The following ZGRF1 variants were observed in gnomAD, a reference collection of about 807,000 sequenced individuals.
The protein encoded by ZGRF1 is 5'-3' DNA helicase ZGRF1.
A neutral mutation model predicts 203.5 loss-of-function variants in ZGRF1; 196 were observed. The ratio of observed to expected loss-of-function variants is 0.96; its 90% CI spans 0.86 to 1.08. The LOEUF is 1.08. ZGRF1 is among the 50% of genes least tolerant of loss of function. The probability of loss-of-function intolerance (pLI) is 0.00; values close to 1 mark genes in which losing one functional copy is unlikely to be tolerated. For synonymous variants in ZGRF1, 809 were observed against 841.3 expected, an observed-to-expected ratio of 0.96 and a Z score of 0.66; for missense variants, 2,326 against 2,416.3, an observed-to-expected ratio of 0.96 and a Z score of 0.78.
intron 1 of ZGRF1, among the ~76,000 whole-genome samples, chr4:112,635,643 T>C (rs1337804433): frequency 6.7e-6 from 1 of 149,306 alleles, no homozygotes; most frequent in Non-Finnish European, 1.5e-5. Flanking sequence ...TACTGTATTA[T>C]GTAATATACA....
intron 10 of ZGRF1, among the ~76,000 whole-genome samples, chr4:112,590,148 C>T (rs17044846): frequency 0.39 from 59,655 of 151,884 alleles, 11,956 homozygotes; most frequent in Admixed American, 0.48. Context: ...GGTTATTAGG[C>T]TTTGGTCCTG....
Position 112,569,225 on chromosome 4 carries a change from T to A in ZGRF1, c.4439-5951A>T, listed in dbSNP as rs183584342. Among the ~76,000 whole-genome samples, 53 of 152,314 alleles carry A rather than the reference T, an allele frequency of 3.5e-4. 1 individual carries two copies. The highest frequency in any genetic ancestry group is 2.5e-3 in the Admixed American group (38 of 15,296). Reference sequence around the variant, plus strand: ...AGAAAATAGATCTATACTAACCAAGTGTTTCAAGATTTAGACTAGAACTAC... The same window carrying A: ...AGAAAATAGATCTATACTAACCAAGAGTTTCAAGATTTAGACTAGAACTAC... On this transcript the variant is annotated intron_variant, in intron 16 of 27. Coordinates refer to ENST00000505019, the MANE Select transcript of ZGRF1 (RefSeq NM_018392.5).
In ZGRF1 at chr4:112,636,901, G is replaced by A. The variant is rs1398926852; in HGVS notation, c.-117C>T. The A allele has an allele frequency of 6.6e-6, 1 of 152,184 alleles. No individual in the cohort carries two copies. Among genetic ancestry groups the A allele is most frequent in the Non-Finnish European group, 1.5e-5 (1 of 68,060 alleles). 9.4% of individuals were successfully genotyped at this position (152,184 alleles called of 1,614,324 possible). ...TCGAATTTCTCCCGCGAAACAACGT[G>A]ACGTCATTAACGCGGGACCTCACCA... is the stretch of plus-strand genomic sequence containing the variant. On this transcript the variant is annotated 5_prime_UTR_variant, in exon 1 of 28. Transcript: ENST00000505019.
At chr4:112,628,929 T>A in intron 3 of ZGRF1, 2 of 367,716 alleles carry the variant, frequency 5.4e-6, no homozygotes, top group South Asian at 2.1e-5. Context: ...TTTATGTATT[T>A]AAAAAAAATA....
rs1737246547 is a variant in ZGRF1, at chr4:112,540,063, G to C, written c.5972C>G (p.Ser1991Cys). Residue 1991 changes from serine (S) to cysteine (C), a missense_variant, in exon 27 of 28, where the codon TCC (serine) becomes TGC (cysteine). Transcript: ENST00000505019. Reference protein sequence around the residue: ...HHPDIKTVQVSTVDAFQGAEK... With the variant: ...HHPDIKTVQVCTVDAFQGAEK... ...AGCTCCCTGAAAAGCATCTACTGTG[G>C]ACACCTGCACAGTTTTAATATCAGG... 1 of 1,604,072 alleles carries C rather than the reference G, an allele frequency of 6.2e-7. No homozygotes were observed. The highest frequency in any genetic ancestry group is 1.1e-5 in the South Asian group (1 of 90,128).
intron 4 of ZGRF1, among the ~76,000 whole-genome samples, chr4:112,622,520 GAAAAAAAAA>G (rs5861105): frequency 2.7e-5 from 2 of 75,256 alleles, no homozygotes; most frequent in Non-Finnish European, 4.8e-5. Flanking sequence ...ACTCCATCTC[GAAAAAAAAA>G]AAAAAAAAAA....
intron 10 of ZGRF1, among the ~76,000 whole-genome samples, chr4:112,593,112 G>C (rs554992138): frequency 1.8e-4 from 28 of 152,288 alleles, no homozygotes; most frequent in Admixed American, 1.6e-3. Context: ...AATTTCTGTT[G>C]TTTAAGCCAT....
At chr4:112,619,882 A>G (rs893902226) in intron 5 of ZGRF1, 120 bp downstream of exon 5, 1 of 919,348 alleles carries the variant, frequency 1.1e-6, no homozygotes, top group Non-Finnish European at 1.6e-6. Context: ...CTTCCTTTCT[A>G]CCTAAGTATA....
At chr4:112,597,889 A>T (rs1251924691) in intron 10 of ZGRF1, among the ~76,000 whole-genome samples, 2 of 148,388 alleles carry the variant, frequency 1.3e-5, no homozygotes, top group Non-Finnish European at 3.0e-5. Flanking sequence ...CTCAAAATGT[A>T]CCCACACACA....
rs763461052 is a variant in ZGRF1 at position 112,619,000 on chromosome 4, T to C, written c.1042A>G (p.Thr348Ala). Reference sequence around the variant, plus strand: ...TCCTGGGCCTTGGGTTTCCTTTCTGTATCATTCCCATCTACAGTAGAAGAA... The same window carrying C: ...TCCTGGGCCTTGGGTTTCCTTTCTGCATCATTCCCATCTACAGTAGAAGAA... ...IHSSTVDGND[T>A]ERKPKAQEDD... The change falls in exon 6 of 28, where the codon ACA (threonine) becomes GCA (alanine). Residue 348 changes from threonine (T) to alanine (A), a missense_variant. Thr to Ala is a moderately conservative substitution (Grantham distance 58, BLOSUM62 0). Transcript: ENST00000505019. 1.2e-6 allele frequency: 2 copies of C among 1,613,766 alleles called. No individual in the cohort carries two copies. The highest frequency in any genetic ancestry group is 1.7e-6 in the Non-Finnish European group (2 of 1,179,890).
Position 112,540,802 on chromosome 4 carries a change from T to C in ZGRF1, c.5910+19A>G. 1 of 1,561,108 alleles carries C rather than the reference T, an allele frequency of 6.4e-7. No homozygotes were observed. The highest frequency in any genetic ancestry group is 8.7e-7 in the Non-Finnish European group (1 of 1,146,166). Reference sequence around the variant, plus strand: ...GTAATATTTAATATATGGCAAATACTGTAATACATAATACCAACCTTGTAC... The same window carrying C: ...GTAATATTTAATATATGGCAAATACCGTAATACATAATACCAACCTTGTAC... On this transcript the variant is annotated intron_variant, in intron 26 of 27. Coordinates refer to ENST00000505019, the MANE Select transcript of ZGRF1 (RefSeq NM_018392.5).
At chr4:112,631,903 C>T in intron 3 of ZGRF1, 27 bp downstream of exon 3, 1 of 1,347,690 alleles carries the variant, frequency 7.4e-7, no homozygotes, top group South Asian at 1.4e-5. Context: ...TGCTCTTGCA[C>T]CCTATAGTCA....
chr4:112,594,673 G>A (rs557167989), intron 10 of ZGRF1, among the ~76,000 whole-genome samples: 26 of 151,346 alleles, frequency 1.7e-4, no homozygotes, highest in Non-Finnish European at 1.5e-4. Context: ...GGCTGGTCTC[G>A]AACTCCTGAC....
At chr4:112,589,575 A>G (rs1747802027) in intron 11 of ZGRF1, 149 bp downstream of exon 11, 1 of 671,326 alleles carries the variant, frequency 1.5e-6, no homozygotes, top group Non-Finnish European at 2.6e-6. Context: ...TATGATAGAA[A>G]AAGTTCAAAG....
chr4:112,544,677 C>T (rs1738397648), intron 24 of ZGRF1, among the ~76,000 whole-genome samples: 1 of 152,022 alleles, frequency 6.6e-6, no homozygotes, highest in African/African-American at 2.4e-5. Flanking sequence ...GAAAATGAAA[C>T]AAGAATGGCA....
rs1740404068 is a variant in ZGRF1, at chr4:112,553,781, G to T, written c.5346+54C>A. The T allele has an allele frequency of 2.4e-5, 34 of 1,445,532 alleles. 1 individual carries two copies. The South Asian group carries it at 4.0e-4, about 17-fold the overall frequency. 89.5% of individuals were successfully genotyped at this position (1,445,532 alleles called of 1,614,324 possible). On this transcript the variant is annotated intron_variant, in intron 22 of 27. Coordinates refer to ENST00000505019, the MANE Select transcript of ZGRF1 (RefSeq NM_018392.5). ...TATTATTTCATCAACAGAAATAAGA[G>T]AATCTGAATGGTATATATAAATCAA...
At chr4:112,612,471 A>G in intron 7 of ZGRF1, 53 bp downstream of exon 7, 1 of 1,151,808 alleles carries the variant, frequency 8.7e-7, no homozygotes, top group Non-Finnish European at 1.3e-6. Flanking sequence ...TACAAATTAT[A>G]GAACATTCTT....
At chr4:112,599,819 T>C (rs976350133) in intron 10 of ZGRF1, among the ~76,000 whole-genome samples, 1 of 152,178 alleles carries the variant, frequency 6.6e-6, no homozygotes, top group African/African-American at 2.4e-5. Context: ...CCTTAATATA[T>C]GGACCCTTGA....
chr4:112,609,045 T>C (rs886787821), intron 8 of ZGRF1, among the ~76,000 whole-genome samples: 3 of 152,056 alleles, frequency 2.0e-5, no homozygotes, highest in Non-Finnish European at 4.4e-5. Context: ...TATATACAAA[T>C]ATAATTGGCT....
Sources: gnomAD v4.1 joint callset for allele counts (sites outside exome capture counted in the v4.1 genomes callset) on GRCh38, gnomAD v4.1.1 for gene constraint, MANE v1.5 for transcripts, NCBI Gene and HGNC (gene_info 2026-07-23, HGNC 2026-07-21) for gene names.